The following RBFOX1 variants were observed in gnomAD, a reference collection of about 807,000 sequenced individuals.
RBFOX1 encodes the protein RNA binding protein fox-1 homolog 1.
RBFOX1 carries 8 observed loss-of-function variants against 57.7 expected under a neutral mutation model. The observed-to-expected ratio is 0.14, with a 90% CI of 0.08 to 0.25. The LOEUF is 0.25. RBFOX1 is among the 10% of genes least tolerant of loss of function. The pLI, the probability that RBFOX1 is intolerant of heterozygous loss-of-function variation, is 1.00. For synonymous variants in RBFOX1, 326 were observed against 222.4 expected (o/e 1.47, Z -4.15); for missense variants, 611 against 548.5 (o/e 1.11, Z -1.14).
intron 4 of RBFOX1, among the ~76,000 whole-genome samples, chr16:7,511,678 T>G (rs371177811): frequency 1.3e-5 from 2 of 152,320 alleles, no homozygotes; most frequent in African/African-American, 4.8e-5. Context: ...CTTTTGCTCT[T>G]GGTAACTGGA....
At position 7,218,730 on chromosome 16, in the gene RBFOX1, G is replaced by GT. The variant is rs33997681; in HGVS notation, c.27+166644dup. ...AGACTTTGGTAAGTCATCTTAAAGTGTTTTTTTTTTTTAAAGTAGTTTTCA... is the reference window on the plus strand; with the variant it reads ...AGACTTTGGTAAGTCATCTTAAAGTGTTTTTTTTTTTTTAAAGTAGTTTTCA... On this transcript the variant is annotated intron_variant, in intron 4 of 15. Transcript: ENST00000550418. Among the ~76,000 whole-genome samples, 261 of 140,744 alleles carry GT rather than the reference G, an allele frequency of 1.9e-3. 1 individual carries two copies. Among genetic ancestry groups the GT allele is most frequent in the East Asian group, 6.9e-3 (34 of 4,902 alleles). 92.3% of individuals were successfully genotyped at this position (140,744 alleles called of 152,430 possible).
In RBFOX1 at chr16:6,605,205, C is replaced by T. The variant is rs894564269; in HGVS notation, c.-63-49398C>T. Among the ~76,000 whole-genome samples the T allele has an allele frequency of 4.6e-5, 7 of 152,026 alleles. No individual in the cohort carries two copies. In the East Asian group the frequency reaches 9.6e-4, roughly 21 times the overall value. On this transcript the variant is annotated intron_variant, in intron 2 of 15. Transcript: ENST00000550418. ...AGTGAGATGTGATCAAACCACTGTA[C>T]TGGGTGACAGAGCAAGACCCTCTCT...
chr16:6,711,353 G>T (rs923867887), intron 3 of RBFOX1, among the ~76,000 whole-genome samples: 2 of 152,068 alleles, frequency 1.3e-5, no homozygotes, highest in Admixed American at 1.3e-4. Context: ...CCACATTCTG[G>T]TCCCTACCAA....
At chr16:7,409,387 A>G (rs73552505) in intron 4 of RBFOX1, among the ~76,000 whole-genome samples, 6,781 of 152,314 alleles carry the variant, frequency 0.045, 528 homozygotes, top group African/African-American at 0.16. Flanking sequence ...TGTGGAGGCA[A>G]CAGAATATAA....
chr16:5,794,508 G>A (rs577324855), intron 3 of RBFOX1, among the ~76,000 whole-genome samples: 5 of 151,408 alleles, frequency 3.3e-5, no homozygotes, highest in South Asian at 4.2e-4. Flanking sequence ...CAATGCCAGC[G>A]TGCGTGTGTG....
intron 5 of RBFOX1, among the ~76,000 whole-genome samples, chr16:7,562,583 A>G (rs576074037): frequency 1.3e-5 from 2 of 152,314 alleles, no homozygotes; most frequent in East Asian, 3.9e-4. Context: ...CATGGAAGCC[A>G]CCAGTGGCAC....
At chr16:5,875,843 C>T (rs922411393) in intron 4 of RBFOX1, among the ~76,000 whole-genome samples, 2 of 148,688 alleles carry the variant, frequency 1.3e-5, no homozygotes, top group African/African-American at 4.9e-5. Flanking sequence ...TAGAAGAATC[C>T]CACTTTTTTT....
intron 3 of RBFOX1, among the ~76,000 whole-genome samples, chr16:6,958,531 C>A (rs909546836): frequency 6.6e-6 from 1 of 152,108 alleles, no homozygotes; most frequent in African/African-American, 2.4e-5. Context: ...ACAGAGGAAA[C>A]ACATGGATTG....
chr16:7,073,235 A>G (rs188730802), intron 4 of RBFOX1, among the ~76,000 whole-genome samples: 1 of 152,302 alleles, frequency 6.6e-6, no homozygotes, highest in Non-Finnish European at 1.5e-5. Flanking sequence ...AAACTTAATA[A>G]TATGTGACTG....
At chr16:6,985,609 T>C (rs1308286073) in intron 3 of RBFOX1, among the ~76,000 whole-genome samples, 4 of 152,108 alleles carry the variant, frequency 2.6e-5, no homozygotes, top group Non-Finnish European at 5.9e-5. Flanking sequence ...GGGTGGATCA[T>C]TTGAGGTCAG....
At chr16:5,979,378 G>A (rs1448679804) in intron 4 of RBFOX1, among the ~76,000 whole-genome samples, 1 of 152,150 alleles carries the variant, frequency 6.6e-6, no homozygotes, top group East Asian at 1.9e-4. Context: ...GTCAAAATTT[G>A]TTATTTTGTT....
chr16:5,396,721 C>G (rs80020739), intron 1 of RBFOX1, among the ~76,000 whole-genome samples: 7,382 of 152,260 alleles, frequency 0.048, 249 homozygotes, highest in East Asian at 0.12. Flanking sequence ...ATGGACTCAT[C>G]TGTATCGTGG....
intron 3 of RBFOX1, among the ~76,000 whole-genome samples, chr16:6,775,572 G>A (rs970193792): frequency 1.3e-5 from 2 of 152,084 alleles, no homozygotes; most frequent in African/African-American, 4.8e-5. Flanking sequence ...AAAATTAAAG[G>A]AAAAAAGATG....
At chr16:7,429,926 C>T (rs370657507) in intron 4 of RBFOX1, among the ~76,000 whole-genome samples, 1 of 152,138 alleles carries the variant, frequency 6.6e-6, no homozygotes, top group Non-Finnish European at 1.5e-5. Flanking sequence ...AAATCTCTGC[C>T]TTTGTGGGAC....
chr16:6,029,728 G>A (rs996400766), intron 1 of RBFOX1, among the ~76,000 whole-genome samples: 90 of 144,836 alleles, frequency 6.2e-4, no homozygotes, highest in African/African-American at 1.8e-3. Context: ...AGCCGAGATC[G>A]CGCCACTGTA....
chr16:6,415,165 C>G (rs957664776), intron 2 of RBFOX1, among the ~76,000 whole-genome samples: 1 of 148,984 alleles, frequency 6.7e-6, no homozygotes, highest in African/African-American at 2.5e-5. Context: ...ATCGCTTGAA[C>G]CAGGGAGTCG....
chr16:6,957,937 G>A (rs371356235), intron 3 of RBFOX1, among the ~76,000 whole-genome samples: 1 of 152,240 alleles, frequency 6.6e-6, no homozygotes, highest in South Asian at 2.1e-4. Flanking sequence ...AGCCCGAGAA[G>A]TCACACAGCA....
At chr16:7,598,620 A>G (rs1354402414) in intron 9 of RBFOX1, among the ~76,000 whole-genome samples, 2 of 152,128 alleles carry the variant, frequency 1.3e-5, no homozygotes, top group Non-Finnish European at 1.5e-5. Context: ...ATTGTTGTCT[A>G]TAGTTTTATT....
chr16:6,032,846 C>A (rs1460002391), intron 1 of RBFOX1, among the ~76,000 whole-genome samples: 1 of 150,244 alleles, frequency 6.7e-6, no homozygotes, highest in African/African-American at 2.4e-5. Flanking sequence ...TGTCTTTTCC[C>A]AGAAAAGTGG....
Sources: gnomAD v4.1 joint callset for allele counts (sites outside exome capture counted in the v4.1 genomes callset) on GRCh38, gnomAD v4.1.1 for gene constraint, MANE v1.5 for transcripts, NCBI Gene and HGNC (gene_info 2026-07-23, HGNC 2026-07-21) for gene names.